Variants in FAM13A observed in about 807,000 individuals in gnomAD.
The protein encoded by FAM13A is family with sequence similarity 13 member A, also known as protein FAM13A.
In FAM13A, 76 loss-of-function variants were observed where a neutral mutation model predicts 129.6. The observed-to-expected ratio is 0.59, with a 90% CI of 0.49 to 0.71. The LOEUF is 0.71. Among genes scored for constraint, FAM13A ranks in the 30% least tolerant of loss-of-function variants. The pLI is 0.00. For synonymous variants in FAM13A, 443 were observed against 449.9 expected (o/e 0.98, Z 0.20); for missense variants, 1,108 against 1,249.3 (o/e 0.89, Z 1.70).
chr4:88,986,493 G>A (rs950046397), intron 4 of FAM13A, among the ~76,000 whole-genome samples: 6 of 152,288 alleles, frequency 3.9e-5, no homozygotes, highest in Non-Finnish European at 8.8e-5. Context: ...ACATTGAAAA[G>A]GAAAAGAAGC....
In FAM13A at chr4:88,950,223, T is replaced by A. The variant is rs925503271; in HGVS notation, c.606-11982A>T. ...AAAAATCAGGCTTTTTTTTTTTTTT[T>A]AAGAGACAAGGTCTTGTTATGTTGC... is the stretch of plus-strand genomic sequence containing the variant. On this transcript the variant is annotated intron_variant, in intron 4 of 23. Coordinates refer to ENST00000264344, the MANE Select transcript of FAM13A (RefSeq NM_014883.4). Among the ~76,000 whole-genome samples the A allele has an allele frequency of 6.6e-5, 9 of 136,560 alleles. No homozygotes were observed. The East Asian group carries it at 1.5e-3, about 23-fold the overall frequency. 89.6% of individuals were successfully genotyped at this position (136,560 alleles called of 152,430 possible). A position where few individuals can be genotyped will look rare whatever the true frequency, so the allele number is the denominator to read the frequency against.
intron 8 of FAM13A, among the ~76,000 whole-genome samples, chr4:88,801,869 G>A (rs1390774490): frequency 6.6e-6 from 1 of 151,916 alleles, no homozygotes. Flanking sequence ...ACAGCAAAAG[G>A]AGATGCAGAA....
intron 19 of FAM13A, 55 bp from the exon 20 acceptor site, chr4:88,739,180 CTGTCTA>C: frequency 1.7e-6 from 2 of 1,207,878 alleles, no homozygotes; most frequent in Non-Finnish European, 2.5e-6. Context: ...TCACAACCAG[CTGTCTA>C]AGCATGCTCT....
intron 8 of FAM13A, among the ~76,000 whole-genome samples, chr4:88,794,096 T>A (rs1454927593): frequency 6.6e-6 from 1 of 152,016 alleles, no homozygotes; most frequent in East Asian, 1.9e-4. Context: ...ATAATGAATT[T>A]TTTTTCAGCG....
chr4:88,984,823 G>C (rs377498694), intron 4 of FAM13A, among the ~76,000 whole-genome samples: 3 of 152,208 alleles, frequency 2.0e-5, no homozygotes, highest in African/African-American at 7.2e-5. Flanking sequence ...GGGAATATAT[G>C]AGGGAACAAA....
At chr4:88,959,655 C>T (rs899601589) in intron 4 of FAM13A, among the ~76,000 whole-genome samples, 1 of 152,194 alleles carries the variant, frequency 6.6e-6, no homozygotes, top group Non-Finnish European at 1.5e-5. Flanking sequence ...TCACAAAATA[C>T]TCAGTCTCAG....
intron 5 of FAM13A, among the ~76,000 whole-genome samples, chr4:88,913,452 GA>G (rs1749513873): frequency 3.5e-5 from 1 of 28,198 alleles, no homozygotes; most frequent in Non-Finnish European, 8.6e-5. Context: ...AGAGGAGGAG[GA>G]AGAAGAAGAA....
At chr4:88,918,397 G>T (rs1373255192) in intron 5 of FAM13A, among the ~76,000 whole-genome samples, 2 of 152,160 alleles carry the variant, frequency 1.3e-5, no homozygotes, top group Non-Finnish European at 2.9e-5. Flanking sequence ...CATATGTAAG[G>T]AAAGTGAGGT....
intron 3 of FAM13A, among the ~76,000 whole-genome samples, chr4:89,000,165 G>A (rs1462907798): frequency 6.6e-6 from 1 of 151,964 alleles, no homozygotes; most frequent in African/African-American, 2.4e-5. Flanking sequence ...TCAAAATAAA[G>A]TTACAATATA....
At position 88,767,980 on chromosome 4, in the gene FAM13A, T is replaced by C. The variant is rs774431640; in HGVS notation, c.1535+3A>G. ...GAATATTAGGAGACAATTCTAAAATTACCTTTCATCAGACATCCATTCAAA... is the reference window on the plus strand; with the variant it reads ...GAATATTAGGAGACAATTCTAAAATCACCTTTCATCAGACATCCATTCAAA... On this transcript the variant is annotated splice_donor_region_variant and intron_variant, in intron 12 of 23. Transcript: ENST00000264344. 3 of 1,575,968 alleles carry C rather than the reference T, an allele frequency of 1.9e-6. No individual in the cohort carries two copies. The highest frequency in any genetic ancestry group is 1.1e-5 in the South Asian group (1 of 90,140).
intron 6 of FAM13A, among the ~76,000 whole-genome samples, chr4:88,876,100 T>C (rs990347877): frequency 2.0e-5 from 3 of 152,072 alleles, no homozygotes. Context: ...ATGAGAACAC[T>C]TGGACACAGG....
chr4:88,935,822 C>T (rs553599564), intron 5 of FAM13A, among the ~76,000 whole-genome samples: 3 of 152,098 alleles, frequency 2.0e-5, no homozygotes, highest in Non-Finnish European at 4.4e-5. Flanking sequence ...GAAATGATTT[C>T]CATAACTTCT....
intron 19 of FAM13A, among the ~76,000 whole-genome samples, chr4:88,740,849 T>C (rs973568098): frequency 6.6e-6 from 1 of 152,208 alleles, no homozygotes; most frequent in Non-Finnish European, 1.5e-5. Flanking sequence ...TAATGGGCAA[T>C]TGGTATTTTC....
intron 8 of FAM13A, among the ~76,000 whole-genome samples, chr4:88,796,725 A>G (rs1445264429): frequency 6.9e-6 from 1 of 144,064 alleles, no homozygotes; most frequent in Admixed American, 6.9e-5. Flanking sequence ...TTTTTTTTTT[A>G]GTAGTTTAGC....
At chr4:88,742,852 T>C (rs1432437302) in intron 19 of FAM13A, among the ~76,000 whole-genome samples, 1 of 152,216 alleles carries the variant, frequency 6.6e-6, no homozygotes, top group Non-Finnish European at 1.5e-5. Context: ...AGCCTCAGTT[T>C]CCTGAATGGT....
intron 7 of FAM13A, among the ~76,000 whole-genome samples, chr4:88,847,670 C>T (rs28514678): frequency 0.25 from 37,530 of 152,102 alleles, 5,255 homozygotes; most frequent in South Asian, 0.52. Context: ...TGCAGTGGCT[C>T]ACGCCTGTAA....
intron 3 of FAM13A, among the ~76,000 whole-genome samples, chr4:89,003,284 A>AG (rs1491492757): frequency 1.1e-4 from 2 of 18,140 alleles, no homozygotes; most frequent in Non-Finnish European, 5.4e-4. Context: ...AGCAATTTGG[A>AG]AAAAAAAAAA....
chr4:89,028,162 C>T (rs942585670), intron 2 of FAM13A, among the ~76,000 whole-genome samples: 9 of 148,344 alleles, frequency 6.1e-5, no homozygotes, highest in South Asian at 2.1e-4. Flanking sequence ...GCCAAGATTA[C>T]GCCATTGCAC....
At chr4:88,995,237 C>G (rs1251681949) in intron 3 of FAM13A, among the ~76,000 whole-genome samples, 2 of 151,880 alleles carry the variant, frequency 1.3e-5, no homozygotes, top group Admixed American at 1.3e-4. Context: ...GTCTAACATT[C>G]TTTACCACCA....
Sources: gnomAD v4.1 joint callset for allele counts (sites outside exome capture counted in the v4.1 genomes callset) on GRCh38, gnomAD v4.1.1 for gene constraint, MANE v1.5 for transcripts, NCBI Gene and HGNC (gene_info 2026-07-23, HGNC 2026-07-21) for gene names.